Variants in ADAMTS2 observed in about 807,000 individuals in gnomAD.
ADAMTS2 encodes A disintegrin and metalloproteinase with thrombospondin motifs 2.
ADAMTS2 carries 50 observed loss-of-function variants against 123.0 expected under a neutral mutation model. The observed-to-expected ratio is 0.41, with a 90% CI of 0.32 to 0.51. The LOEUF (loss-of-function observed/expected upper bound fraction) is 0.51, where lower values mean the gene tolerates loss of function less well. Ranked by LOEUF, ADAMTS2 falls within the 20% of genes least tolerant of loss-of-function variation. The pLI is 0.35. For missense variants in ADAMTS2, 1,494 were observed against 1,705.2 expected, an observed-to-expected ratio of 0.88 and a Z score of 2.18; for synonymous variants, 678 against 695.4, an observed-to-expected ratio of 0.98 and a Z score of 0.39.
intron 7 of ADAMTS2, 76 bp downstream of exon 7, chr5:179,154,738 A>G: frequency 1.6e-6 from 2 of 1,239,036 alleles, no homozygotes; most frequent in Non-Finnish European, 2.3e-6. Context: ...CTTAAGGCAC[A>G]GAGGAGAAGT....
intron 2 of ADAMTS2, among the ~76,000 whole-genome samples, chr5:179,289,778 G>A (rs752247059): frequency 3.3e-5 from 5 of 152,134 alleles, no homozygotes; most frequent in South Asian, 2.1e-4. Context: ...CAGTCCCAGC[G>A]TGGTGCCCTA....
intron 3 of ADAMTS2, among the ~76,000 whole-genome samples, chr5:179,249,748 T>C (rs1239199390): frequency 6.6e-6 from 1 of 152,140 alleles, no homozygotes; most frequent in East Asian, 1.9e-4. Context: ...AGAGCTTGAA[T>C]CAGTCATCAA....
rs1163513842 is a variant in ADAMTS2, at chr5:179,115,115, A to G, written c.3179-791T>C. Among the ~76,000 whole-genome samples the G allele has an allele frequency of 1.3e-5, 2 of 151,460 alleles. No individual in the cohort carries two copies. Among genetic ancestry groups the G allele is most frequent in the East Asian group, 3.9e-4 (2 of 5,144 alleles). ...CTGCACATCTTTCTCTTTCCTTTCCACCCAAGAAACTGGTCATCTGTGGTC... is the reference window on the plus strand; with the variant it reads ...CTGCACATCTTTCTCTTTCCTTTCCGCCCAAGAAACTGGTCATCTGTGGTC... On this transcript the variant is annotated intron_variant, in intron 21 of 21. Coordinates refer to ENST00000251582, the MANE Select transcript of ADAMTS2 (RefSeq NM_014244.5). This position sits in a 1 kb window ranked among gnomAD's most constrained non-coding sequence, Gnocchi z 4.4.
In ADAMTS2 at chr5:179,130,183, G is replaced by C. The variant is rs1762933555; in HGVS notation, c.2291-85C>G. The stretch of plus-strand genomic sequence containing the variant: ...CTGGTTTGGGCTGGTCGGGGAGTGG[G>C]GGCAGCTAGCTGGACCCCTTGTCTC... On this transcript the variant is annotated intron_variant, in intron 15 of 21. Transcript: ENST00000251582. The surrounding 1 kb of genome is among the most constrained non-coding windows in gnomAD (Gnocchi z 4.3). 14 of 1,558,160 alleles carry C rather than the reference G, an allele frequency of 9.0e-6. No homozygotes were observed.
chr5:179,333,887 C>A (rs1274285505), intron 2 of ADAMTS2, among the ~76,000 whole-genome samples: 1 of 152,164 alleles, frequency 6.6e-6, no homozygotes, highest in Non-Finnish European at 1.5e-5. Context: ...AGCCACTGTG[C>A]CCCGCCTACA....
chr5:179,287,617 C>A (rs1408211297), intron 2 of ADAMTS2, among the ~76,000 whole-genome samples: 1 of 152,230 alleles, frequency 6.6e-6, no homozygotes, highest in African/African-American at 2.4e-5. Flanking sequence ...GTATGCAATT[C>A]TAGATGTGTG....
rs147861022 is a variant in ADAMTS2 at position 179,158,691 on chromosome 5, C to T, written c.1132+32G>A. The T allele has an allele frequency of 3.4e-3, 5,484 of 1,613,802 alleles. 11 individuals are homozygous for T. Among genetic ancestry groups the T allele is most frequent in the Admixed American group, 4.2e-3 (254 of 60,022 alleles). ...GGCCAGGGGCTCATTTCCAGCTTCA[C>T]GCCTCTGTGGCCCTGCATGGGTGAG... On this transcript the variant is annotated intron_variant, in intron 6 of 21. Transcript: ENST00000251582. The surrounding 1 kb of genome is among the most constrained non-coding windows in gnomAD (Gnocchi z 5.0).
intron 2 of ADAMTS2, among the ~76,000 whole-genome samples, chr5:179,335,651 G>A (rs952744664): frequency 6.6e-6 from 1 of 152,228 alleles, no homozygotes; most frequent in Non-Finnish European, 1.5e-5. Flanking sequence ...ATAGACAGAT[G>A]TAAATACATA....
intron 5 of ADAMTS2, among the ~76,000 whole-genome samples, chr5:179,166,548 C>T (rs774360417): frequency 2.0e-5 from 3 of 152,166 alleles, no homozygotes; most frequent in Non-Finnish European, 2.9e-5. Flanking sequence ...GGTAACCCCA[C>T]GGGCCTCAGG....
rs1757505665 is a variant in ADAMTS2 at position 179,332,479 on chromosome 5, C to G, written c.534+11288G>C. On this transcript the variant is annotated intron_variant, in intron 2 of 21. Transcript: ENST00000251582. The surrounding 1 kb of genome is among the most constrained non-coding windows in gnomAD (Gnocchi z 4.2). ...TGATAATAAAAGGTGTTTCTATCACCCTTAACACTCAGGAAATTACAAAGG... is the reference window on the plus strand; with the variant it reads ...TGATAATAAAAGGTGTTTCTATCACGCTTAACACTCAGGAAATTACAAAGG... Among the ~76,000 whole-genome samples, 1 of 152,308 alleles carries G rather than the reference C, an allele frequency of 6.6e-6. No homozygotes were observed. The highest frequency in any genetic ancestry group is 1.5e-5 in the Non-Finnish European group (1 of 68,030).
At chr5:179,302,216 T>C (rs995216884) in intron 2 of ADAMTS2, among the ~76,000 whole-genome samples, 8 of 151,286 alleles carry the variant, frequency 5.3e-5, no homozygotes, top group South Asian at 2.1e-4. Context: ...AATCCCAGCA[T>C]TTTGGGAGGC....
intron 3 of ADAMTS2, among the ~76,000 whole-genome samples, chr5:179,265,766 T>A (rs917667284): frequency 2.0e-5 from 3 of 152,224 alleles, no homozygotes; most frequent in Non-Finnish European, 4.4e-5. Context: ...GGGCCCGGTC[T>A]GCACGAGGAC....
intron 9 of ADAMTS2, 41 bp from the exon 10 acceptor site, chr5:179,152,296 C>T (rs1237040537): frequency 6.3e-7 from 1 of 1,585,674 alleles, no homozygotes; most frequent in South Asian, 1.1e-5. Context: ...CCTCCCACCT[C>T]AGGGACCTCC....
At chr5:179,127,591 G>T (rs1762881497) in intron 17 of ADAMTS2, among the ~76,000 whole-genome samples, 1 of 152,052 alleles carries the variant, frequency 6.6e-6, no homozygotes, top group South Asian at 2.1e-4. Flanking sequence ...GAAGCCTCTG[G>T]AGGTGTCATC....
intron 21 of ADAMTS2, chr5:179,121,386 C>T (rs1762758644): frequency 3.7e-6 from 1 of 271,586 alleles, no homozygotes; most frequent in Non-Finnish European, 6.9e-6. Context: ...CTTTGGCCAC[C>T]GGCCCCTCCT....
chr5:179,316,776 A>G (rs1757012390), intron 2 of ADAMTS2, among the ~76,000 whole-genome samples: 1 of 152,152 alleles, frequency 6.6e-6, no homozygotes, highest in African/African-American at 2.4e-5. Flanking sequence ...ATCTCTACAA[A>G]AAATAAATTT....
chr5:179,119,955 C>G (rs183530864), intron 21 of ADAMTS2, among the ~76,000 whole-genome samples: 1 of 152,046 alleles, frequency 6.6e-6, no homozygotes, highest in Admixed American at 6.6e-5. Context: ...GGTGTCTGCA[C>G]GGTTTGCTAT....
intron 3 of ADAMTS2, among the ~76,000 whole-genome samples, chr5:179,209,455 T>C (rs1044575393): frequency 6.6e-6 from 1 of 152,112 alleles, no homozygotes; most frequent in Non-Finnish European, 1.5e-5. Context: ...GGGGTTCCAG[T>C]ACCTTCGGGG....
chr5:179,122,500 G>T, intron 20 of ADAMTS2, 144 bp downstream of exon 20: 1 of 1,244,028 alleles, frequency 8.0e-7, no homozygotes, highest in Non-Finnish European at 1.1e-6. Flanking sequence ...GACCTGGCCT[G>T]CAGTGCCCCG....
Sources: gnomAD v4.1 joint callset for allele counts (sites outside exome capture counted in the v4.1 genomes callset) on GRCh38, gnomAD v4.1.1 for gene constraint, Gnocchi (gnomAD v3.1) non-coding constraint, MANE v1.5 for transcripts, NCBI Gene and HGNC (gene_info 2026-07-23, HGNC 2026-07-21) for gene names.